LHFPL2: variants seen among roughly 807,000 people sequenced by gnomAD.
The protein encoded by LHFPL2 is LHFPL tetraspan subfamily member 2, also known as LHFPL tetraspan subfamily member 2 protein.
Under a neutral mutation model 17.5 loss-of-function variants are expected in LHFPL2, and 7 were observed. That is an observed-to-expected ratio of 0.40 (90% CI 0.23 to 0.75). The LOEUF (loss-of-function observed/expected upper bound fraction) is 0.75, where lower values mean the gene tolerates loss of function less well. Among genes scored for constraint, LHFPL2 ranks in the 30% least tolerant of loss-of-function variants. LHFPL2 has a pLI of 0.37. For missense variants in LHFPL2, 241 were observed against 294.8 expected, an observed-to-expected ratio of 0.82 and a Z score of 1.34; for synonymous variants, 134 against 116.2, an observed-to-expected ratio of 1.15 and a Z score of -0.99.
At chr5:78,617,976 G>C (rs1220890317) in intron 2 of LHFPL2, among the ~76,000 whole-genome samples, 1 of 152,120 alleles carries the variant, frequency 6.6e-6, no homozygotes, top group Non-Finnish European at 1.5e-5. Flanking sequence ...GCCAAGACAG[G>C]TGGATCATTT....
chr5:78,637,018 A>T (rs1320348977), intron 1 of LHFPL2, among the ~76,000 whole-genome samples: 3 of 152,114 alleles, frequency 2.0e-5, no homozygotes, highest in Non-Finnish European at 4.4e-5. Flanking sequence ...TCAGACAGAC[A>T]GGTTTCTAAA....
rs114399725 is a variant in LHFPL2, at chr5:78,516,203, T to C, written c.-185-5805A>G. Among the ~76,000 whole-genome samples the C allele has an allele frequency of 3.9e-3, 597 of 152,030 alleles. 1 individual carries two copies. Among genetic ancestry groups the C allele is most frequent in the Non-Finnish European group, 6.3e-3 (429 of 67,990 alleles). On this transcript the variant is annotated intron_variant, in intron 3 of 4. Transcript: ENST00000380345. The stretch of plus-strand genomic sequence containing the variant: ...TACAGAAATACAGACATCTTGATTA[T>C]ATTTAAGAGGACCCAAATGCACTAA...
At chr5:78,502,175 A>C (rs1318800181) in intron 4 of LHFPL2, among the ~76,000 whole-genome samples, 2 of 152,222 alleles carry the variant, frequency 1.3e-5, no homozygotes, top group Admixed American at 1.3e-4. Flanking sequence ...AGACAATCAG[A>C]GCATAGTTGT....
chr5:78,583,954 C>G (rs981764288), intron 2 of LHFPL2, among the ~76,000 whole-genome samples: 7 of 151,904 alleles, frequency 4.6e-5, no homozygotes, highest in Non-Finnish European at 1.0e-4. Context: ...TCACATAGTC[C>G]CATATTTATT....
intron 4 of LHFPL2, among the ~76,000 whole-genome samples, chr5:78,496,335 C>T (rs1398261201): frequency 1.3e-5 from 2 of 152,194 alleles, no homozygotes; most frequent in African/African-American, 4.8e-5. Context: ...CACTGATAAA[C>T]CTGCTAGGTG....
chr5:78,532,662 T>C (rs1755820845), intron 3 of LHFPL2, among the ~76,000 whole-genome samples: 1 of 152,180 alleles, frequency 6.6e-6, no homozygotes, highest in Admixed American at 6.5e-5. Context: ...CTATGAATCC[T>C]TTTTTAAAAA....
intron 3 of LHFPL2, among the ~76,000 whole-genome samples, chr5:78,519,141 A>T (rs193072336): frequency 2.2e-4 from 34 of 152,190 alleles, no homozygotes; most frequent in African/African-American, 8.0e-4. Context: ...ACCACTGAGA[A>T]CCCACACAGC....
At chr5:78,547,786 G>A (rs1370046579) in intron 3 of LHFPL2, among the ~76,000 whole-genome samples, 1 of 152,218 alleles carries the variant, frequency 6.6e-6, no homozygotes, top group African/African-American at 2.4e-5. Context: ...TTTAACTGCC[G>A]CTCAGCGGAA....
At chr5:78,508,257 A>T (rs1754995305) in intron 4 of LHFPL2, among the ~76,000 whole-genome samples, 1 of 152,166 alleles carries the variant, frequency 6.6e-6, no homozygotes, top group South Asian at 2.1e-4. Flanking sequence ...TCTCAAGTGA[A>T]ACTGCTAATG....
chr5:78,645,027 A>G (rs576077108), intron 1 of LHFPL2, among the ~76,000 whole-genome samples: 1 of 152,296 alleles, frequency 6.6e-6, no homozygotes, highest in South Asian at 2.1e-4. Context: ...AATACTTTCT[A>G]AAGTACAGAA....
chr5:78,510,937 C>A (rs1284654045), intron 3 of LHFPL2, among the ~76,000 whole-genome samples: 26 of 152,048 alleles, frequency 1.7e-4, no homozygotes, highest in Admixed American at 1.7e-3. Context: ...TTTATTTCCT[C>A]GAAATTAAAT....
chr5:78,641,830 G>C (rs1357808980), intron 1 of LHFPL2, among the ~76,000 whole-genome samples: 1 of 151,168 alleles, frequency 6.6e-6, no homozygotes, highest in African/African-American at 2.4e-5. Context: ...CACAAAACTA[G>C]TTTACATTCT....
rs554914583 is a variant in LHFPL2 at position 78,582,004 on chromosome 5, A to C, written c.-244-17133T>G. Among the ~76,000 whole-genome samples the C allele has an allele frequency of 3.1e-4, 47 of 152,210 alleles. No individual in the cohort carries two copies. In the South Asian group the frequency reaches 7.5e-3, roughly 24 times the overall value. ...GTCTATTCAGAGATTCAACTTCTTCATGGTTTAGTCTTGGGAGAGTGTATG... is the reference window on the plus strand; with the variant it reads ...GTCTATTCAGAGATTCAACTTCTTCCTGGTTTAGTCTTGGGAGAGTGTATG... On this transcript the variant is annotated intron_variant, in intron 2 of 4. Transcript: ENST00000380345.
intron 3 of LHFPL2, among the ~76,000 whole-genome samples, chr5:78,563,582 G>T (rs546066604): frequency 6.6e-6 from 1 of 151,584 alleles, no homozygotes; most frequent in East Asian, 1.9e-4. Flanking sequence ...TGTAGTCCCA[G>T]TTACTCTACT....
At chr5:78,645,559 C>T (rs963456026) in intron 1 of LHFPL2, among the ~76,000 whole-genome samples, 7 of 148,778 alleles carry the variant, frequency 4.7e-5, no homozygotes, top group Middle Eastern at 6.4e-3. Context: ...CACACACACA[C>T]ACACACACAC....
chr5:78,503,826 A>G (rs551134158), intron 4 of LHFPL2, among the ~76,000 whole-genome samples: 16 of 151,872 alleles, frequency 1.1e-4, no homozygotes, highest in Non-Finnish European at 1.8e-4. Flanking sequence ...CCCTTTATAT[A>G]TTATTTATTT....
chr5:78,626,630 T>C (rs925134020), intron 2 of LHFPL2: 1 of 152,116 alleles, frequency 6.6e-6, no homozygotes, highest in African/African-American at 2.4e-5. Context: ...CATCATCAAC[T>C]GGCAGGGGAA....
intron 2 of LHFPL2, among the ~76,000 whole-genome samples, chr5:78,584,761 G>T (rs1007298607): frequency 1.3e-5 from 2 of 152,318 alleles, no homozygotes; most frequent in Middle Eastern, 3.4e-3. Flanking sequence ...TGCCCCCAGA[G>T]GTGGAGCCTA....
chr5:78,597,825 T>C (rs1373330803), intron 2 of LHFPL2, among the ~76,000 whole-genome samples: 1 of 152,170 alleles, frequency 6.6e-6, no homozygotes, highest in East Asian at 1.9e-4. Flanking sequence ...CAGTGCATCA[T>C]ATGCACTGAA....
Sources: gnomAD v4.1 joint callset for allele counts (sites outside exome capture counted in the v4.1 genomes callset) on GRCh38, gnomAD v4.1.1 for gene constraint, MANE v1.5 for transcripts, NCBI Gene and HGNC (gene_info 2026-07-23, HGNC 2026-07-21) for gene names.